Variants in MARCHF1 observed in about 807,000 individuals in gnomAD.
The protein encoded by MARCHF1 is membrane associated ring-CH-type finger 1.
MARCHF1 carries 40 observed loss-of-function variants against 54.2 expected under a neutral mutation model. The observed-to-expected ratio is 0.74, with a 90% CI of 0.57 to 0.96. The LOEUF (loss-of-function observed/expected upper bound fraction) is 0.96. MARCHF1 is among the 40% of genes least tolerant of loss of function. The probability of loss-of-function intolerance (pLI) is 0.00; values close to 1 mark genes in which losing one functional copy is unlikely to be tolerated. For missense variants in MARCHF1, 586 were observed against 656.5 expected, an observed-to-expected ratio of 0.89 and a Z score of 1.17; for synonymous variants, 236 against 236.3, an observed-to-expected ratio of 1.00 and a Z score of 0.01.
intron 5 of MARCHF1, among the ~76,000 whole-genome samples, chr4:163,687,740 T>C (rs1744313080): frequency 6.6e-6 from 1 of 152,200 alleles, no homozygotes; most frequent in Non-Finnish European, 1.5e-5. Context: ...TGCCTTCTTA[T>C]AACTTTCCCT....
intron 3 of MARCHF1, among the ~76,000 whole-genome samples, chr4:163,945,253 T>C (rs1371283371): frequency 6.6e-6 from 1 of 152,110 alleles, no homozygotes; most frequent in Non-Finnish European, 1.5e-5. Flanking sequence ...TTTTCTGGGG[T>C]TCTTTTTCAT....
At chr4:164,224,710 AAAC>A (rs1337558008) in intron 1 of MARCHF1, among the ~76,000 whole-genome samples, 3 of 152,068 alleles carry the variant, frequency 2.0e-5, no homozygotes, top group African/African-American at 4.8e-5. Context: ...ATGCTAGAAT[AAAC>A]AACAATTAAG....
At chr4:164,189,289 G>C in intron 1 of MARCHF1, 2 of 592,756 alleles carry the variant, frequency 3.4e-6, no homozygotes, top group Non-Finnish European at 3.1e-6. Flanking sequence ...TCAACATCAA[G>C]CAAGAATTGA....
At chr4:163,647,159 CA>C (rs2111056338) in intron 5 of MARCHF1, among the ~76,000 whole-genome samples, 1 of 151,948 alleles carries the variant, frequency 6.6e-6, no homozygotes, top group South Asian at 2.1e-4. Context: ...TTAAAGTAGA[CA>C]AAGAAGGTCA....
chr4:163,634,202 A>C (rs1407025049), intron 5 of MARCHF1, among the ~76,000 whole-genome samples: 1 of 152,008 alleles, frequency 6.6e-6, no homozygotes, highest in African/African-American at 2.4e-5. Flanking sequence ...TGAGCAAAAT[A>C]ACCAGCTAAC....
intron 1 of MARCHF1, among the ~76,000 whole-genome samples, chr4:164,152,900 T>C (rs1248138013): frequency 6.6e-6 from 1 of 151,986 alleles, no homozygotes; most frequent in Non-Finnish European, 1.5e-5. Context: ...CCACCCCAGT[T>C]TGAGTCGTTC....
intron 3 of MARCHF1, among the ~76,000 whole-genome samples, chr4:163,978,917 G>A (rs931605357): frequency 1.3e-5 from 2 of 151,722 alleles, no homozygotes; most frequent in African/African-American, 4.8e-5. Context: ...TATATAGACA[G>A]GGTATCATTA....
At chr4:163,878,613 A>G (rs1453097735) in intron 3 of MARCHF1, among the ~76,000 whole-genome samples, 2 of 152,196 alleles carry the variant, frequency 1.3e-5, no homozygotes, top group African/African-American at 4.8e-5. Flanking sequence ...AGTGTATGTG[A>G]ATCCATTTCT....
chr4:164,265,372 A>T (rs899161605), intron 1 of MARCHF1, among the ~76,000 whole-genome samples: 18 of 152,124 alleles, frequency 1.2e-4, no homozygotes, highest in Non-Finnish European at 2.1e-4. Flanking sequence ...TGGTGTATAA[A>T]CAATCTTTAG....
chr4:163,996,187 T>C (rs988487591), intron 2 of MARCHF1, among the ~76,000 whole-genome samples: 3 of 151,970 alleles, frequency 2.0e-5, no homozygotes, highest in Admixed American at 2.0e-4. Flanking sequence ...GTATAATTAA[T>C]CTAACATTAG....
intron 4 of MARCHF1, among the ~76,000 whole-genome samples, chr4:163,840,075 T>C (rs1749296209): frequency 6.6e-6 from 1 of 152,152 alleles, no homozygotes. Flanking sequence ...TAGGACCCAC[T>C]TTATGCTAAT....
intron 4 of MARCHF1, among the ~76,000 whole-genome samples, chr4:163,848,862 A>T (rs755944166): frequency 6.6e-6 from 1 of 152,178 alleles, no homozygotes; most frequent in Admixed American, 6.6e-5. Context: ...TCTACAGATT[A>T]AAAAAGGAAA....
chr4:164,250,184 T>C (rs1258225262), intron 1 of MARCHF1, among the ~76,000 whole-genome samples: 1 of 152,024 alleles, frequency 6.6e-6, no homozygotes, highest in Non-Finnish European at 1.5e-5. Flanking sequence ...CAAGATAGAT[T>C]TGGGGTGAGT....
chr4:164,322,101 G>A (rs1028868631), intron 1 of MARCHF1, among the ~76,000 whole-genome samples: 1 of 152,010 alleles, frequency 6.6e-6, no homozygotes, highest in Admixed American at 6.6e-5. Context: ...GTAGGGGTGA[G>A]GAGAAACATT....
At chr4:164,224,323 C>T (rs1394923891) in intron 1 of MARCHF1, among the ~76,000 whole-genome samples, 1 of 151,722 alleles carries the variant, frequency 6.6e-6, no homozygotes, top group Non-Finnish European at 1.5e-5. Flanking sequence ...AATTCTTCGT[C>T]TTCCAATGTG....
chr4:163,705,835 A>C (rs1430011360), intron 4 of MARCHF1, among the ~76,000 whole-genome samples: 3 of 151,994 alleles, frequency 2.0e-5, no homozygotes, highest in East Asian at 3.9e-4. Flanking sequence ...AAGGAAATGG[A>C]GTATTTGGTA....
At chr4:164,122,968 A>G (rs1756103128) in intron 1 of MARCHF1, among the ~76,000 whole-genome samples, 1 of 152,258 alleles carries the variant, frequency 6.6e-6, no homozygotes, top group South Asian at 2.1e-4. Context: ...GAAATTCAAG[A>G]ATTTCAAGAA....
At chr4:164,340,128 G>A (rs1048519438) in intron 1 of MARCHF1, among the ~76,000 whole-genome samples, 1 of 151,980 alleles carries the variant, frequency 6.6e-6, no homozygotes, top group African/African-American at 2.4e-5. Flanking sequence ...GCCAGGATCC[G>A]ATAGCTTCAC....
intron 4 of MARCHF1, among the ~76,000 whole-genome samples, chr4:163,842,077 C>G (rs1749355390): frequency 1.3e-5 from 2 of 152,070 alleles, no homozygotes; most frequent in African/African-American, 2.4e-5. Context: ...GAATACTTTC[C>G]TGAATGACAT....
Sources: allele counts gnomAD v4.1 joint callset (sites outside exome capture counted in the v4.1 genomes callset), GRCh38; gene constraint gnomAD v4.1.1; transcripts MANE v1.5; gene names NCBI Gene and HGNC (gene_info 2026-07-23, HGNC 2026-07-21).